Variants in RERE observed in about 807,000 individuals in gnomAD.
RERE encodes arginine-glutamic acid dipeptide repeats.
In RERE, 40 loss-of-function variants were observed where a neutral mutation model predicts 146.1. That is an observed-to-expected ratio of 0.27 (90% CI 0.21 to 0.36). The LOEUF is 0.36. Among genes scored for constraint, RERE ranks in the 10% least tolerant of loss-of-function variants. RERE has a pLI of 1.00. For synonymous variants in RERE, 1,003 were observed against 866.0 expected, an observed-to-expected ratio of 1.16 and a Z score of -2.78; for missense variants, 1,933 against 2,138.7, an observed-to-expected ratio of 0.90 and a Z score of 1.90.
At chr1:8,799,327 C>T (rs1305884556) in intron 1 of RERE, 1 of 152,696 alleles carries the variant, frequency 6.5e-6, no homozygotes, top group African/African-American at 2.4e-5. Context: ...TTTATAACTA[C>T]TATCACCTCA....
chr1:8,598,038 T>C (rs751713039), intron 4 of RERE, among the ~76,000 whole-genome samples: 45 of 152,152 alleles, frequency 3.0e-4, no homozygotes, highest in Middle Eastern at 3.2e-3. Context: ...CTCATGGGGT[T>C]GGGGGAAGCA....
At chr1:8,719,741 A>G (rs1388850793) in intron 1 of RERE, among the ~76,000 whole-genome samples, 1 of 152,122 alleles carries the variant, frequency 6.6e-6, no homozygotes, top group Non-Finnish European at 1.5e-5. Context: ...AAACTGTCAC[A>G]TTTTCAAAAC....
intron 11 of RERE, among the ~76,000 whole-genome samples, chr1:8,431,072 C>T (rs780054245): frequency 1.3e-5 from 2 of 152,206 alleles, no homozygotes; most frequent in Non-Finnish European, 2.9e-5. Context: ...ATTACCCTTA[C>T]GTTACTACTG....
intron 2 of RERE, among the ~76,000 whole-genome samples, chr1:8,655,399 G>T (rs1309408114): frequency 6.6e-6 from 1 of 151,976 alleles, no homozygotes; most frequent in African/African-American, 2.4e-5. Flanking sequence ...TAGAGACAGG[G>T]TTTCATCATG....
intron 1 of RERE, among the ~76,000 whole-genome samples, chr1:8,728,304 A>G (rs567280204): frequency 2.6e-5 from 4 of 152,368 alleles, no homozygotes; most frequent in African/African-American, 9.6e-5. Context: ...ATAACACACC[A>G]TAACTTGAAA....
intron 1 of RERE, among the ~76,000 whole-genome samples, chr1:8,767,616 A>AG (rs1405019640): frequency 6.6e-6 from 1 of 151,586 alleles, no homozygotes; most frequent in Non-Finnish European, 1.5e-5. Context: ...AAAAAAAAAA[A>AG]AGAGAAAGAA....
At chr1:8,726,147 C>CTTTTTTTTTTTTTTTTTTTTTTTTT (rs70985511) in intron 1 of RERE, among the ~76,000 whole-genome samples, 4 of 69,406 alleles carry the variant, frequency 5.8e-5, no homozygotes, top group African/African-American at 2.0e-4. Context: ...TTTTTCTTTT[C>CTTTTTTTTTTTTTTTTTTTTTTTTT]TTTTTTTTTT....
chr1:8,553,442 G>A (rs988334608), intron 6 of RERE, among the ~76,000 whole-genome samples: 2 of 151,876 alleles, frequency 1.3e-5, no homozygotes, highest in Non-Finnish European at 1.5e-5. Context: ...CCACACACAC[G>A]TGACACTGCA....
intron 1 of RERE, among the ~76,000 whole-genome samples, chr1:8,683,687 A>T (rs891037274): frequency 2.0e-5 from 3 of 152,242 alleles, no homozygotes; most frequent in Non-Finnish European, 4.4e-5. Context: ...TCAGGTCTGT[A>T]AACCCAGCAC....
At chr1:8,718,573 C>G (rs1400973777) in intron 1 of RERE, among the ~76,000 whole-genome samples, 2 of 152,156 alleles carry the variant, frequency 1.3e-5, no homozygotes, top group Non-Finnish European at 2.9e-5. Flanking sequence ...AAGTTTAGTC[C>G]TACCTATTTT....
intron 1 of RERE, among the ~76,000 whole-genome samples, chr1:8,710,550 G>A (rs187983202): frequency 1.3e-3 from 202 of 152,244 alleles, no homozygotes; most frequent in Non-Finnish European, 2.6e-3. Context: ...ACGGAGTCTC[G>A]CTGTGTCACC....
intron 1 of RERE, among the ~76,000 whole-genome samples, chr1:8,732,874 T>C (rs1640119813): frequency 7.6e-6 from 1 of 131,428 alleles, no homozygotes; most frequent in Non-Finnish European, 1.6e-5. Context: ...CAGGCTGGAG[T>C]GCAGTGGCGC....
At chr1:8,368,978 T>C (rs1027793948) in intron 12 of RERE, among the ~76,000 whole-genome samples, 27 of 152,020 alleles carry the variant, frequency 1.8e-4, no homozygotes, top group Admixed American at 3.9e-4. Context: ...GGCAGGAGGA[T>C]TGCTTGAGGC....
intron 3 of RERE, among the ~76,000 whole-genome samples, chr1:8,614,998 C>T (rs369486803): frequency 1.3e-5 from 2 of 152,312 alleles, no homozygotes; most frequent in East Asian, 1.9e-4. Context: ...GCACAGTTAA[C>T]AGCAACATGC....
intron 1 of RERE, among the ~76,000 whole-genome samples, chr1:8,686,715 A>T (rs1224148673): frequency 1.3e-5 from 2 of 152,174 alleles, no homozygotes; most frequent in Admixed American, 1.3e-4. Context: ...ACGCCATTGT[A>T]CTGCAGCCTA....
At chr1:8,519,444 TAAA>T (rs1645463082) in intron 7 of RERE, among the ~76,000 whole-genome samples, 1 of 152,106 alleles carries the variant, frequency 6.6e-6, no homozygotes, top group Non-Finnish European at 1.5e-5. Context: ...AATAAAATTT[TAAA>T]AATAAGTTTC....
intron 12 of RERE, among the ~76,000 whole-genome samples, chr1:8,368,483 G>GAAAAAAAAAAAAAA (rs70990563): frequency 1.3e-5 from 1 of 76,342 alleles, no homozygotes. Context: ...CAAAGAAAAA[G>GAAAAAAAAAAAAAA]AAAAAAAAAA....
chr1:8,637,420 A>G (rs1647115673), intron 2 of RERE, among the ~76,000 whole-genome samples: 1 of 152,198 alleles, frequency 6.6e-6, no homozygotes, highest in Non-Finnish European at 1.5e-5. Context: ...TCAGGACTTG[A>G]GAGAGAATAC....
chr1:8,467,723 C>T (rs1644619816), intron 10 of RERE, among the ~76,000 whole-genome samples: 1 of 152,112 alleles, frequency 6.6e-6, no homozygotes, highest in African/African-American at 2.4e-5. Context: ...CGGCTCACTG[C>T]AAACTCTGCC....
Sources: gnomAD v4.1 joint callset for allele counts (sites outside exome capture counted in the v4.1 genomes callset) on GRCh38, gnomAD v4.1.1 for gene constraint, MANE v1.5 for transcripts, NCBI Gene and HGNC (gene_info 2026-07-23, HGNC 2026-07-21) for gene names.